Variants in EPHA5 observed in about 807,000 individuals in gnomAD.
EPHA5 encodes EPH receptor A5, also known as ephrin type-A receptor 5.
A neutral mutation model predicts 105.0 loss-of-function variants in EPHA5; 60 were observed. The observed-to-expected ratio is 0.57, with a 90% CI of 0.46 to 0.71. The LOEUF is 0.71. Ranked by LOEUF, EPHA5 falls within the 30% of genes least tolerant of loss-of-function variation. The pLI, the probability that EPHA5 is intolerant of heterozygous loss-of-function variation, is 0.00. For missense variants in EPHA5, 1,218 were observed against 1,274.7 expected (o/e 0.96, Z 0.68); for synonymous variants, 513 against 449.1 (o/e 1.14, Z -1.80).
At chr4:65,520,464 T>C (rs912904217) in intron 3 of EPHA5, among the ~76,000 whole-genome samples, 1 of 152,194 alleles carries the variant, frequency 6.6e-6, no homozygotes, top group African/African-American at 2.4e-5. Flanking sequence ...GTCATGGTCA[T>C]GGGCAAGGAC....
intron 13 of EPHA5, among the ~76,000 whole-genome samples, chr4:65,348,778 CATGT>C (rs1560438214): frequency 2.2e-5 from 1 of 44,520 alleles, no homozygotes; most frequent in Non-Finnish European, 4.7e-5. Context: ...TATGTGTGTG[CATGT>C]GTGTGTGTGT....
At chr4:65,456,085 G>A (rs1217808188) in intron 5 of EPHA5, among the ~76,000 whole-genome samples, 3 of 152,164 alleles carry the variant, frequency 2.0e-5, no homozygotes, top group African/African-American at 7.2e-5. Flanking sequence ...AAGTTGTGGG[G>A]AGAGAGAAAC....
At chr4:65,468,930 G>C (rs1378728323) in intron 5 of EPHA5, among the ~76,000 whole-genome samples, 2 of 151,736 alleles carry the variant, frequency 1.3e-5, no homozygotes, top group Non-Finnish European at 2.9e-5. Flanking sequence ...TCTACATCTG[G>C]GGCCCTGTGG....
chr4:65,408,814 A>C (rs1481006900), intron 7 of EPHA5, among the ~76,000 whole-genome samples: 1 of 151,708 alleles, frequency 6.6e-6, no homozygotes, highest in Non-Finnish European at 1.5e-5. Context: ...TAGAAATACC[A>C]TTTGACCCAG....
chr4:65,329,126 C>T (rs1415438525), intron 16 of EPHA5, among the ~76,000 whole-genome samples: 1 of 151,342 alleles, frequency 6.6e-6, no homozygotes, highest in East Asian at 1.9e-4. Flanking sequence ...CAATTTTCAA[C>T]TCACCTCAAG....
At chr4:65,351,946 T>G (rs561955357) in intron 12 of EPHA5, among the ~76,000 whole-genome samples, 28 of 152,148 alleles carry the variant, frequency 1.8e-4, no homozygotes, top group African/African-American at 6.7e-4. Context: ...TTTGATGTGA[T>G]TTAAAAGAAG....
At chr4:65,359,482 T>C (rs577089752) in intron 11 of EPHA5, among the ~76,000 whole-genome samples, 5 of 151,778 alleles carry the variant, frequency 3.3e-5, no homozygotes, top group Non-Finnish European at 7.4e-5. Context: ...CAATTTAACA[T>C]GTCCACAACT....
At chr4:65,441,125 AT>A (rs1294956766) in intron 5 of EPHA5, among the ~76,000 whole-genome samples, 1 of 152,106 alleles carries the variant, frequency 6.6e-6, no homozygotes, top group African/African-American at 2.4e-5. Context: ...TACTATATTA[AT>A]TTTCTAATAA....
In EPHA5 at chr4:65,493,441, A is replaced by G. The variant is rs551446466; in HGVS notation, c.1066+1947T>C. Among the ~76,000 whole-genome samples, 3 of 152,294 alleles carry G rather than the reference A, an allele frequency of 2.0e-5. No homozygotes were observed. In the South Asian group the frequency reaches 6.2e-4, roughly 32 times the overall value. On this transcript the variant is annotated intron_variant, in intron 4 of 16. Transcript: ENST00000613740. The stretch of plus-strand genomic sequence containing the variant: ...GCTATAAATTCAATTCCAAAGAGCC[A>G]AAGGCAAAGTGAAGCTCAAGATCTT...
In EPHA5 at chr4:65,529,754, A is replaced by G. The variant is rs553048279; in HGVS notation, c.911-34211T>C. On this transcript the variant is annotated intron_variant, in intron 3 of 16. Transcript: ENST00000613740. Reference sequence around the variant, plus strand: ...CGTATATAACTCTTGCTCTATTACTATATATCTAGGTAGAACTCAATACAT... The same window carrying G: ...CGTATATAACTCTTGCTCTATTACTGTATATCTAGGTAGAACTCAATACAT... 2.0e-4 allele frequency among the ~76,000 whole-genome samples: 30 copies of G among 152,126 alleles called. 1 individual carries two copies. The highest frequency in any genetic ancestry group is 1.6e-3 in the Admixed American group (25 of 15,272).
At chr4:65,509,780 G>C (rs1359503054) in intron 3 of EPHA5, among the ~76,000 whole-genome samples, 1 of 152,116 alleles carries the variant, frequency 6.6e-6, no homozygotes, top group African/African-American at 2.4e-5. Context: ...ATTCTACACT[G>C]ATTCAGATCA....
chr4:65,606,562 A>AT (rs1471808499), intron 2 of EPHA5, among the ~76,000 whole-genome samples: 1 of 152,174 alleles, frequency 6.6e-6, no homozygotes, highest in African/African-American at 2.4e-5. Flanking sequence ...AGATTGTCTT[A>AT]TTTCCATTGT....
intron 3 of EPHA5, among the ~76,000 whole-genome samples, chr4:65,524,452 C>G (rs1461182589): frequency 1.3e-5 from 2 of 151,740 alleles, no homozygotes; most frequent in African/African-American, 4.8e-5. Flanking sequence ...ACTTACATAT[C>G]ACATTGTTTA....
At chr4:65,573,539 G>T in intron 3 of EPHA5, 2 of 1,598,128 alleles carry the variant, frequency 1.3e-6, no homozygotes, top group Non-Finnish European at 1.7e-6. Context: ...GTGGCAAGGT[G>T]AAAAAGGGTA....
In EPHA5 at chr4:65,490,601, A is replaced by G. The variant is rs780551761; in HGVS notation, c.1178T>C (p.Ile393Thr). Residue 393 changes from isoleucine (I) to threonine (T), a missense_variant, in exon 5 of 17, where the codon ATT (isoleucine) becomes ACT (threonine). Transcript: ENST00000613740. The part of the protein sequence containing the change: ...TGGRKDVSYY[I>T]ACKKCNSHAG... ...ATGGGAGTTGCACTTCTTGCATGCAATATAATATGACACGTCTTTCCTTCC... is the reference window on the plus strand; with the variant it reads ...ATGGGAGTTGCACTTCTTGCATGCAGTATAATATGACACGTCTTTCCTTCC... The G allele has an allele frequency of 8.1e-6, 13 of 1,614,154 alleles. No individual in the cohort carries two copies. The highest frequency in any genetic ancestry group is 1.1e-5 in the Non-Finnish European group (13 of 1,180,018).
At chr4:65,488,256 T>TA (rs1731071395) in intron 5 of EPHA5, among the ~76,000 whole-genome samples, 1 of 152,148 alleles carries the variant, frequency 6.6e-6, no homozygotes, top group African/African-American at 2.4e-5. Flanking sequence ...CATTAAAAAA[T>TA]AAACAGTTAT....
At chr4:65,607,986 G>C (rs1351179900) in intron 2 of EPHA5, among the ~76,000 whole-genome samples, 1 of 152,156 alleles carries the variant, frequency 6.6e-6, no homozygotes, top group Admixed American at 6.5e-5. Context: ...TATACACCAT[G>C]AAACACTGTG....
chr4:65,615,198 G>A (rs1016532435), intron 2 of EPHA5, among the ~76,000 whole-genome samples: 7 of 151,616 alleles, frequency 4.6e-5, no homozygotes, highest in Non-Finnish European at 1.0e-4. Context: ...TGTAATGAAA[G>A]TCTCAAAAGA....
chr4:65,417,234 A>G (rs928996875), intron 6 of EPHA5, among the ~76,000 whole-genome samples: 1 of 152,260 alleles, frequency 6.6e-6, no homozygotes, highest in Admixed American at 6.5e-5. Context: ...GCCAGCTGGC[A>G]AATGCATGTG....
Sources: allele counts gnomAD v4.1 joint callset (sites outside exome capture counted in the v4.1 genomes callset), GRCh38; gene constraint gnomAD v4.1.1; transcripts MANE v1.5; gene names NCBI Gene and HGNC (gene_info 2026-07-23, HGNC 2026-07-21).